Variants in EPHA6 observed in about 807,000 individuals in gnomAD.
EPHA6 encodes the protein EPH receptor A6.
EPHA6 carries 50 observed loss-of-function variants against 112.0 expected under a neutral mutation model. That is an observed-to-expected ratio of 0.45 (90% CI 0.36 to 0.56). The LOEUF is 0.56. EPHA6 is among the 20% of genes least tolerant of loss of function. EPHA6 has a pLI of 0.00. For synonymous variants in EPHA6, 529 were observed against 490.7 expected (o/e 1.08, Z -1.03); for missense variants, 1,280 against 1,417.4 (o/e 0.90, Z 1.56).
chr3:97,551,319 A>G (rs1160269978), intron 11 of EPHA6, among the ~76,000 whole-genome samples: 1 of 152,164 alleles, frequency 6.6e-6, no homozygotes, highest in Non-Finnish European at 1.5e-5. Flanking sequence ...AAGTAAAAGT[A>G]GGCACACCTT....
rs536714313 is a variant in EPHA6 at position 97,265,282 on chromosome 3, G to T, written c.1606+20995G>T. Among the ~76,000 whole-genome samples, 16 of 152,294 alleles carry T rather than the reference G, an allele frequency of 1.1e-4. No homozygotes were observed. In the South Asian group the frequency reaches 3.1e-3, roughly 30 times the overall value. ...GGGGACTCTCAACCTTTGCCCAGGA[G>T]CTTGTCTGCCTCCTGCCGTCCTCCA... On this transcript the variant is annotated intron_variant, in intron 5 of 17. Coordinates refer to ENST00000389672, the MANE Select transcript of EPHA6 (RefSeq NM_001080448.3).
chr3:97,343,900 G>A (rs2083423748), intron 5 of EPHA6, among the ~76,000 whole-genome samples: 1 of 152,106 alleles, frequency 6.6e-6, no homozygotes, highest in African/African-American at 2.4e-5. Flanking sequence ...AGCATTGAGA[G>A]ACAAAGAGGA....
intron 3 of EPHA6, among the ~76,000 whole-genome samples, chr3:97,082,831 A>G (rs369371982): frequency 2.6e-5 from 4 of 152,082 alleles, no homozygotes; most frequent in African/African-American, 7.2e-5. Context: ...ATACGATTAA[A>G]TATATTCAGT....
intron 4 of EPHA6, among the ~76,000 whole-genome samples, chr3:97,237,756 C>T (rs550927382): frequency 3.0e-4 from 46 of 152,068 alleles, no homozygotes; most frequent in Admixed American, 9.8e-4. Context: ...TCATATTTCT[C>T]TTTCCATTTC....
chr3:96,944,158 G>A (rs976319660), intron 2 of EPHA6, among the ~76,000 whole-genome samples: 17 of 151,982 alleles, frequency 1.1e-4, no homozygotes, highest in African/African-American at 3.4e-4. Context: ...TTAGACTTTT[G>A]TCCCACCACT....
chr3:97,405,178 G>A lies in EPHA6; in HGVS notation c.1635G>A (p.Lys545=). The change falls in exon 6 of 18, where the codon AAG becomes AAA. Residue 545 remains lysine (K), a synonymous_variant. Coordinates refer to ENST00000389672, the MANE Select transcript of EPHA6 (RefSeq NM_001080448.3). ...DAPSLIGVVR[K]DWASQNSIAL... ...CTTCCCTGATAGGTGTGGTAAGGAAGGACTGGGCATCCCAAAATAGCATTG... is the reference window on the plus strand; with the variant it reads ...CTTCCCTGATAGGTGTGGTAAGGAAAGACTGGGCATCCCAAAATAGCATTG... 2 of 1,603,212 alleles carry A rather than the reference G, an allele frequency of 1.2e-6. No individual in the cohort carries two copies. The highest frequency in any genetic ancestry group is 1.7e-6 in the Non-Finnish European group (2 of 1,173,938).
At chr3:97,661,813 A>G (rs557169044) in intron 14 of EPHA6, among the ~76,000 whole-genome samples, 1 of 152,240 alleles carries the variant, frequency 6.6e-6, no homozygotes, top group Admixed American at 6.5e-5. Context: ...ACAAATGTAT[A>G]CAAGCTTGAG....
At chr3:97,610,670 G>T in intron 12 of EPHA6, 123 bp from the exon 13 acceptor site, 4 of 744,806 alleles carry the variant, frequency 5.4e-6, no homozygotes, top group Non-Finnish European at 9.2e-6. Flanking sequence ...GAAGCAGGCT[G>T]GAAAATGAAA....
At chr3:97,153,500 A>C (rs2076216895) in intron 3 of EPHA6, among the ~76,000 whole-genome samples, 1 of 152,168 alleles carries the variant, frequency 6.6e-6, no homozygotes, top group African/African-American at 2.4e-5. Context: ...AAAAAATTAC[A>C]ATATGCATAT....
intron 7 of EPHA6, among the ~76,000 whole-genome samples, chr3:97,461,060 T>C (rs1276711693): frequency 6.6e-6 from 1 of 152,168 alleles, no homozygotes; most frequent in Non-Finnish European, 1.5e-5. Context: ...CACGTGATCA[T>C]TCGAAGTTAA....
At chr3:97,037,609 TGGGAAAACACTA>T (rs1426708737) in intron 3 of EPHA6, among the ~76,000 whole-genome samples, 1 of 151,890 alleles carries the variant, frequency 6.6e-6, no homozygotes, top group Non-Finnish European at 1.5e-5. Context: ...CTACATGCAG[TGGGAAAACACTA>T]AAGGATCATA....
At chr3:96,994,553 G>A (rs1050989738) in intron 3 of EPHA6, among the ~76,000 whole-genome samples, 3 of 151,666 alleles carry the variant, frequency 2.0e-5, no homozygotes, top group Non-Finnish European at 4.4e-5. Flanking sequence ...TTAGTTATAC[G>A]AGTTCTGAAG....
At chr3:97,272,857 T>C (rs938269146) in intron 5 of EPHA6, among the ~76,000 whole-genome samples, 17 of 152,034 alleles carry the variant, frequency 1.1e-4, no homozygotes, top group Non-Finnish European at 1.5e-4. Flanking sequence ...GGCTCAGAGG[T>C]CTGACATTCC....
At chr3:97,348,488 T>A (rs936567369) in intron 5 of EPHA6, among the ~76,000 whole-genome samples, 1 of 152,070 alleles carries the variant, frequency 6.6e-6, no homozygotes, top group African/African-American at 2.4e-5. Context: ...GGAGTAGTTT[T>A]TTTTTTATTA....
rs371430408 is a variant in EPHA6, at chr3:97,723,329, T to C, written c.2934+2919T>C. ...AAAGCAGTCCAAACCCTGTTGTCCA[T>C]CATCTTTTCCTGGATCTTGCCCAAA... On this transcript the variant is annotated intron_variant, in intron 15 of 17. Coordinates refer to ENST00000389672, the MANE Select transcript of EPHA6 (RefSeq NM_001080448.3). Among the ~76,000 whole-genome samples the C allele has an allele frequency of 9.2e-5, 14 of 152,308 alleles. No homozygotes were observed. In the South Asian group the frequency reaches 2.7e-3, roughly 29 times the overall value.
At chr3:97,428,887 C>T (rs2089326320) in intron 6 of EPHA6, among the ~76,000 whole-genome samples, 1 of 152,134 alleles carries the variant, frequency 6.6e-6, no homozygotes, top group African/African-American at 2.4e-5. Flanking sequence ...CTTGCAGTGC[C>T]ATCAGAGACA....
At chr3:97,536,992 C>T (rs898212638) in intron 11 of EPHA6, among the ~76,000 whole-genome samples, 4 of 151,980 alleles carry the variant, frequency 2.6e-5, no homozygotes, top group African/African-American at 7.2e-5. Flanking sequence ...AAAATTTGTG[C>T]CAGTGATAAC....
chr3:97,187,172 T>G (rs1227305205), intron 3 of EPHA6, among the ~76,000 whole-genome samples: 1 of 152,152 alleles, frequency 6.6e-6, no homozygotes, highest in Non-Finnish European at 1.5e-5. Flanking sequence ...TCTTTTTAAT[T>G]CTGTACATAC....
At chr3:96,887,503 G>A (rs1334612798) in intron 2 of EPHA6, among the ~76,000 whole-genome samples, 1 of 152,166 alleles carries the variant, frequency 6.6e-6, no homozygotes, top group African/African-American at 2.4e-5. Context: ...GGGAGCAGGG[G>A]TGCAACAGGA....
Sources: allele counts gnomAD v4.1 joint callset (sites outside exome capture counted in the v4.1 genomes callset), GRCh38; gene constraint gnomAD v4.1.1; transcripts MANE v1.5; gene names NCBI Gene and HGNC (gene_info 2026-07-23, HGNC 2026-07-21).